Variants in ADRA1D observed in about 807,000 individuals in gnomAD.
The protein encoded by ADRA1D is adrenoceptor alpha 1D.
A neutral mutation model predicts 18.6 loss-of-function variants in ADRA1D; 22 were observed. That is an observed-to-expected ratio of 1.19 (90% CI 0.85 to 1.69). The LOEUF is 1.69. ADRA1D is among the 40% of genes most tolerant of loss of function. ADRA1D has a pLI of 0.00. For synonymous variants in ADRA1D, 376 were observed against 388.2 expected (o/e 0.97, Z 0.37); for missense variants, 840 against 840.7 (o/e 1.00, Z 0.01).
chr20:4,223,359 G>A (rs569926012), intron 1 of ADRA1D, among the ~76,000 whole-genome samples: 5 of 152,230 alleles, frequency 3.3e-5, no homozygotes, highest in Admixed American at 6.5e-5. Context: ...TTTTGAAAGC[G>A]TGACTCTGAG....
intron 1 of ADRA1D, among the ~76,000 whole-genome samples, chr20:4,228,051 T>C (rs1480601023): frequency 6.6e-6 from 1 of 152,228 alleles, no homozygotes; most frequent in Non-Finnish European, 1.5e-5. Context: ...CATTAGCCAC[T>C]GAGTGCAACT....
intron 1 of ADRA1D, among the ~76,000 whole-genome samples, chr20:4,228,532 TGAG>T (rs1171996407): frequency 1.3e-5 from 2 of 152,258 alleles, no homozygotes; most frequent in African/African-American, 4.8e-5. Context: ...AAGCACGGTG[TGAG>T]GAGTTTAGCC....
Position 4,222,174 on chromosome 20 carries a change from G to T in ADRA1D, c.1112-44C>A, listed in dbSNP as rs766806460. 1.0e-5 allele frequency: 16 copies of T among 1,587,098 alleles called. No individual in the cohort carries two copies. The Admixed American group carries it at 2.6e-4, about 26-fold the overall frequency. On this transcript the variant is annotated intron_variant, in intron 1 of 1. Coordinates refer to ENST00000379453, the MANE Select transcript of ADRA1D (RefSeq NM_000678.4). This position sits in a 1 kb window ranked among gnomAD's most constrained non-coding sequence, Gnocchi z 4.3. ...GATACTATTTAGCTGCTTGGGGAGG[G>T]GGAGGCCAGGCGGCTCTGGGCGCAA... is the stretch of plus-strand genomic sequence containing the variant.
intron 1 of ADRA1D, among the ~76,000 whole-genome samples, chr20:4,236,384 G>A (rs896733432): frequency 2.0e-5 from 3 of 152,184 alleles, no homozygotes; most frequent in African/African-American, 7.2e-5. Context: ...AGTGGGAATG[G>A]GAAAACAGAA....
intron 1 of ADRA1D, among the ~76,000 whole-genome samples, chr20:4,235,824 G>T (rs548027931): frequency 6.6e-6 from 1 of 152,358 alleles, no homozygotes; most frequent in South Asian, 2.1e-4. Context: ...CGTGCTCAGG[G>T]TGCACGGTGG....
chr20:4,234,221 C>T (rs73610169), intron 1 of ADRA1D, among the ~76,000 whole-genome samples: 7,141 of 152,290 alleles, frequency 0.047, 376 homozygotes, highest in East Asian at 0.3. Flanking sequence ...GCTGCTGGGA[C>T]GCTGCTAAGG....
At chr20:4,247,547 C>T (rs1248748105) in intron 1 of ADRA1D, among the ~76,000 whole-genome samples, 2 of 152,192 alleles carry the variant, frequency 1.3e-5, no homozygotes, top group South Asian at 4.1e-4. Flanking sequence ...GGCAGATGCC[C>T]GCCCAGATTT....
chr20:4,227,316 T>C (rs931336246), intron 1 of ADRA1D, among the ~76,000 whole-genome samples: 4 of 152,178 alleles, frequency 2.6e-5, no homozygotes, highest in African/African-American at 9.7e-5. Flanking sequence ...GGCATCTCCT[T>C]CTGAAGTCTC....
At chr20:4,247,724 A>T in intron 1 of ADRA1D, 123 bp downstream of exon 1, 1 of 1,142,474 alleles carries the variant, frequency 8.8e-7, no homozygotes, top group Non-Finnish European at 1.2e-6. Context: ...CTCTTAGGAG[A>T]CTCAGGACTT....
chr20:4,249,088 T>G lies in ADRA1D; in HGVS notation c.-131A>C. 2 of 726,164 alleles carry G rather than the reference T, an allele frequency of 2.8e-6. No individual in the cohort carries two copies. Among genetic ancestry groups the G allele is most frequent in the Non-Finnish European group, 1.7e-6 (1 of 575,686 alleles). The allele number at this position is 726,164 out of a possible 1,614,324, so 45.0% of individuals were successfully genotyped here. ...GGGTCCCGTCGGGGTCCTGCCCAAG[T>G]TCCTGTGACGCGGAGCGCGGCTGTC... On this transcript the variant is annotated 5_prime_UTR_variant, in exon 1 of 2. Coordinates refer to ENST00000379453, the MANE Select transcript of ADRA1D (RefSeq NM_000678.4).
At chr20:4,223,095 GTT>G (rs57992348) in intron 1 of ADRA1D, among the ~76,000 whole-genome samples, 48 of 142,632 alleles carry the variant, frequency 3.4e-4, no homozygotes, top group Non-Finnish European at 4.3e-4. Context: ...ACTAGATCTT[GTT>G]TTTTTTTTTT....
At chr20:4,237,618 C>T (rs1388425148) in intron 1 of ADRA1D, among the ~76,000 whole-genome samples, 1 of 150,130 alleles carries the variant, frequency 6.7e-6, no homozygotes, top group Non-Finnish European at 1.5e-5. Flanking sequence ...ATGCATGTGG[C>T]AGGTGGGAAA....
intron 1 of ADRA1D, among the ~76,000 whole-genome samples, chr20:4,233,384 G>A (rs912817069): frequency 2.0e-5 from 3 of 152,038 alleles, no homozygotes; most frequent in African/African-American, 7.2e-5. Context: ...TCACTTGAAC[G>A]TGGGAGGTTG....
At chr20:4,247,809 G>A in intron 1 of ADRA1D, 38 bp downstream of exon 1, 1 of 1,468,974 alleles carries the variant, frequency 6.8e-7, no homozygotes, top group Non-Finnish European at 9.0e-7. Flanking sequence ...ATAGGCTCAG[G>A]GAGAACAGGA....
rs1008725026 is a variant in ADRA1D at position 4,221,872 on chromosome 20, G to A, written c.1370C>T (p.Pro457Leu). The A allele has an allele frequency of 2.0e-6, 3 of 1,465,606 alleles. No individual in the cohort carries two copies. The highest frequency in any genetic ancestry group is 2.7e-6 in the Non-Finnish European group (3 of 1,117,504). 90.8% of individuals were successfully genotyped at this position (1,465,606 alleles called of 1,614,324 possible). A position where few individuals can be genotyped will look rare whatever the true frequency, so the allele number is the denominator to read the frequency against. Residue 457 changes from proline (P) to leucine (L), a missense_variant, in exon 2 of 2, where the codon CCC (proline) becomes CTC (leucine). Coordinates refer to ENST00000379453, the MANE Select transcript of ADRA1D (RefSeq NM_000678.4). ...QDCAPSSGDA[P>L]PGAPLALTAL... Reference sequence around the variant, plus strand: ...GGTGAGGGCCAGCGGCGCTCCGGGGGGCGCGTCGCCCGAACTCGGGGCGCA... The same window carrying A: ...GGTGAGGGCCAGCGGCGCTCCGGGGAGCGCGTCGCCCGAACTCGGGGCGCA...
chr20:4,224,170 C>T (rs900291155), intron 1 of ADRA1D, among the ~76,000 whole-genome samples: 1 of 152,056 alleles, frequency 6.6e-6, no homozygotes, highest in Non-Finnish European at 1.5e-5. Context: ...TTTGTGGATG[C>T]TTAGGGGCCG....
Position 4,247,991 on chromosome 20 carries a change from T to C in ADRA1D, c.967A>G (p.Ser323Gly). Residue 323 changes from serine (S) to glycine (G), a missense_variant, in exon 1 of 2, where the codon AGC becomes GGC. Coordinates refer to ENST00000379453, the MANE Select transcript of ADRA1D (RefSeq NM_000678.4). ...CTGCGGAAGGTGTGGCCCTTGGCGCTGCGCATGCCGTGCGCCCCGTCGGCG... is the reference window on the plus strand; with the variant it reads ...CTGCGGAAGGTGTGGCCCTTGGCGCCGCGCATGCCGTGCGCCCCGTCGGCG... ...TGADGAHGMR[S>G]AKGHTFRSSL... 1 of 1,570,032 alleles carries C rather than the reference T, an allele frequency of 6.4e-7. No homozygotes were observed.
At chr20:4,225,902 T>C (rs753309201) in intron 1 of ADRA1D, among the ~76,000 whole-genome samples, 3 of 152,082 alleles carry the variant, frequency 2.0e-5, no homozygotes, top group Non-Finnish European at 4.4e-5. Context: ...GGGAGAGAGG[T>C]TGGGCCATCC....
chr20:4,227,723 CTTCCTTCCTTCCTTCCTTCCTTCCTTCT>C (rs1316887699), intron 1 of ADRA1D, among the ~76,000 whole-genome samples: 3 of 119,144 alleles, frequency 2.5e-5, no homozygotes, highest in African/African-American at 6.3e-5. Context: ...TCCTTCCTTC[CTTCCTTCCTTCCTTCCTTCCTTCCTTCT>C]TCTCTCTCTC....
Sources: gnomAD v4.1 joint callset for allele counts (sites outside exome capture counted in the v4.1 genomes callset) on GRCh38, gnomAD v4.1.1 for gene constraint, Gnocchi (gnomAD v3.1) non-coding constraint, MANE v1.5 for transcripts, NCBI Gene and HGNC (gene_info 2026-07-23, HGNC 2026-07-21) for gene names.